The following APC variants were observed in gnomAD, a reference collection of about 807,000 sequenced individuals.
APC encodes the protein adenomatous polyposis coli protein.
Under a neutral mutation model 247.0 loss-of-function variants are expected in APC, and 72 were observed. The observed-to-expected ratio is 0.29, with a 90% CI of 0.24 to 0.35. The LOEUF (loss-of-function observed/expected upper bound fraction) is 0.35, where lower values mean the gene tolerates loss of function less well. Ranked by LOEUF, APC falls within the 10% of genes least tolerant of loss-of-function variation. The pLI, the probability that APC is intolerant of heterozygous loss-of-function variation, is 1.00. For missense variants in APC, 3,400 were observed against 3,360.7 expected, an observed-to-expected ratio of 1.01 and a Z score of -0.29; for synonymous variants, 1,254 against 1,162.5, an observed-to-expected ratio of 1.08 and a Z score of -1.60.
At chr5:112,753,368 G>A (rs1754591167) in intron 1 of APC, among the ~76,000 whole-genome samples, 1 of 152,050 alleles carries the variant, frequency 6.6e-6, no homozygotes, top group African/African-American at 2.4e-5. Flanking sequence ...TATGTTACAT[G>A]TATATTTTCA....
intron 1 of APC, among the ~76,000 whole-genome samples, chr5:112,725,598 T>TA (rs1308248677): frequency 6.9e-6 from 1 of 144,912 alleles, no homozygotes; most frequent in African/African-American, 2.6e-5. Flanking sequence ...TACAAAAACA[T>TA]ACAAAAAAAA....
rs184874747 is a variant in APC at position 112,712,921 on chromosome 5, A to C, written c.165+5039A>C. ...CGCTGTGGCTCACGCCTGTAATCCC[A>C]GCACTTGGGGAGGCTGAGGCGGGCG... On this transcript the variant is annotated intron_variant, in intron 1 of 13. Coordinates refer to the APC transcript ENST00000507379. Among the ~76,000 whole-genome samples, 350 of 152,324 alleles carry C rather than the reference A, an allele frequency of 2.3e-3. 2 individuals carry two copies. The highest frequency in any genetic ancestry group is 8.0e-3 in the African/African-American group (332 of 41,576).
intron 1 of APC, among the ~76,000 whole-genome samples, chr5:112,719,918 AT>A (rs1170411912): frequency 6.6e-6 from 1 of 151,986 alleles, no homozygotes; most frequent in African/African-American, 2.4e-5. Flanking sequence ...TTTAATTTAA[AT>A]TTTTTTTACA....
intron 2 of APC, among the ~76,000 whole-genome samples, chr5:112,765,465 C>T (rs1756183490): frequency 6.6e-6 from 1 of 152,036 alleles, no homozygotes; most frequent in African/African-American, 2.4e-5. Context: ...TCCAGTCACT[C>T]ACTTTTTGAC....
Position 112,837,802 on chromosome 5 carries a change from G to A in APC, c.2208G>A (p.Lys736=), listed in dbSNP as rs2149863291. Residue 736 remains lysine, a synonymous_variant, in exon 16 of 16, where the codon AAG becomes AAA. Coordinates refer to ENST00000257430, the MANE Select transcript of APC (RefSeq NM_000038.6). ...ATCTCATGGCAAATAGGCCTGCGAA[G>A]TACAAGGATGCCAATATTATGTCTC... is the stretch of plus-strand genomic sequence containing the variant. The part of the protein sequence containing the change: ...LRNLMANRPA[K]YKDANIMSPG... 6.2e-7 allele frequency: 1 copy of A among 1,614,030 alleles called. No homozygotes were observed. The highest frequency in any genetic ancestry group is 8.5e-7 in the Non-Finnish European group (1 of 1,180,018).
At chr5:112,811,659 A>G (rs1041322616) in intron 8 of APC, among the ~76,000 whole-genome samples, 3 of 152,268 alleles carry the variant, frequency 2.0e-5, no homozygotes, top group Admixed American at 1.3e-4. Context: ...CTACACTGAA[A>G]TGAATGTCAG....
chr5:112,812,368 G>A (rs2149750596), intron 8 of APC, among the ~76,000 whole-genome samples: 2 of 152,188 alleles, frequency 1.3e-5, no homozygotes, highest in Middle Eastern at 6.8e-3. Flanking sequence ...TACTAAAAAA[G>A]CCCCAACTAT....
At position 112,815,043 on chromosome 5, in the gene APC, G is replaced by C. The variant is rs17134956; in HGVS notation, c.835-452G>C. 0.013 allele frequency among the ~76,000 whole-genome samples: 1,903 copies of C among 152,030 alleles called. 42 individuals are homozygous for C. The highest frequency in any genetic ancestry group is 0.043 in the African/African-American group (1,802 of 41,444). ...CAGTCATTTATTTTTTCATGTCTTTGTCCAGTAAAAGTTTTAAACAGCCCT... is the reference window on the plus strand; with the variant it reads ...CAGTCATTTATTTTTTCATGTCTTTCTCCAGTAAAAGTTTTAAACAGCCCT... On this transcript the variant is annotated intron_variant, in intron 8 of 15. Coordinates refer to ENST00000257430, the MANE Select transcript of APC (RefSeq NM_000038.6).
intron 15 of APC, 97 bp downstream of exon 15, chr5:112,835,262 A>C: frequency 9.4e-7 from 1 of 1,068,378 alleles, no homozygotes; most frequent in Non-Finnish European, 1.4e-6. Context: ...TGAAAGTTTT[A>C]AGCCAAAATA....
intron 4 of APC, among the ~76,000 whole-genome samples, chr5:112,768,922 C>A (rs902805339): frequency 3.9e-5 from 6 of 151,912 alleles, no homozygotes; most frequent in African/African-American, 1.5e-4. Context: ...CTTATTCCTC[C>A]TATCTAGCTG....
intron 4 of APC, among the ~76,000 whole-genome samples, chr5:112,774,637 T>C (rs1757406503): frequency 6.6e-6 from 1 of 151,960 alleles, no homozygotes; most frequent in East Asian, 1.9e-4. Flanking sequence ...GTTTTTGTAT[T>C]TTTTTGTAGA....
chr5:112,738,933 CTTT>C (rs1554064237), intron 1 of APC, among the ~76,000 whole-genome samples: 1 of 152,136 alleles, frequency 6.6e-6, no homozygotes, highest in Non-Finnish European at 1.5e-5. Flanking sequence ...TGGATCTTTT[CTTT>C]TGTTAGTGAA....
At chr5:112,787,639 A>C (rs115205952) in intron 6 of APC, among the ~76,000 whole-genome samples, 20 of 152,232 alleles carry the variant, frequency 1.3e-4, no homozygotes, top group Non-Finnish European at 2.9e-4. Context: ...CCTACTGTTA[A>C]ATGTCTTGTT....
chr5:112,807,438 A>G (rs779057815), intron 8 of APC, among the ~76,000 whole-genome samples: 4 of 152,046 alleles, frequency 2.6e-5, no homozygotes, highest in Non-Finnish European at 4.4e-5. Flanking sequence ...ATACTATACA[A>G]CTTACTCTTG....
intron 1 of APC, among the ~76,000 whole-genome samples, chr5:112,722,057 A>AC (rs35256699): frequency 0.011 from 1,690 of 151,964 alleles, 8 homozygotes; most frequent in Middle Eastern, 0.034. Context: ...GGAAAAAAAG[A>AC]CCCCCCCATT....
At position 112,815,475 on chromosome 5, in the gene APC, A is replaced by G. The variant is rs777546674; in HGVS notation, c.835-20A>G. 3.2e-6 allele frequency: 5 copies of G among 1,584,152 alleles called. No homozygotes were observed. The highest frequency in any genetic ancestry group is 1.7e-5 in the Admixed American group (1 of 59,746). ...ACCTATAGTCTAAATTATACCATCT[A>G]TAATGTGCTTAATTTTTAGGGTTCA... On this transcript the variant is annotated intron_variant, in intron 8 of 15. Coordinates refer to ENST00000257430, the MANE Select transcript of APC (RefSeq NM_000038.6).
chr5:112,828,742 G>T, intron 13 of APC, 114 bp from the exon 14 acceptor site: 2 of 761,428 alleles, frequency 2.6e-6, no homozygotes, highest in South Asian at 3.1e-5. Context: ...AGTCACCACG[G>T]CTAGCCAGAA....
At position 112,742,811 on chromosome 5, in the gene APC, T is replaced by A. The variant is rs867320568; in HGVS notation, c.-19+4886T>A. Reference sequence around the variant, plus strand: ...AAGAGAGGAATTAGGATCCACCTCTTAAAGGAGTAGGGTCAAAGAATTTAT... The same window carrying A: ...AAGAGAGGAATTAGGATCCACCTCTAAAAGGAGTAGGGTCAAAGAATTTAT... On this transcript the variant is annotated intron_variant, in intron 1 of 15. Transcript: ENST00000257430. 1.1e-4 allele frequency among the ~76,000 whole-genome samples: 16 copies of A among 152,252 alleles called. No individual in the cohort carries two copies. The Middle Eastern group carries it at 0.01, about 97-fold the overall frequency.
At chr5:112,751,319 C>G (rs1754337005) in intron 1 of APC, among the ~76,000 whole-genome samples, 1 of 151,968 alleles carries the variant, frequency 6.6e-6, no homozygotes, top group South Asian at 2.1e-4. Context: ...TTGGTTTACT[C>G]CCTGCTCTTC....
Sources: allele counts gnomAD v4.1 joint callset (sites outside exome capture counted in the v4.1 genomes callset), GRCh38; gene constraint gnomAD v4.1.1; transcripts MANE v1.5; gene names NCBI Gene and HGNC (gene_info 2026-07-23, HGNC 2026-07-21).